Variants in DEUP1 observed in about 807,000 individuals in gnomAD.
DEUP1 encodes coiled-coil domain containing 67.
In DEUP1, 82 loss-of-function variants were observed where a neutral mutation model predicts 87.4. The ratio of observed to expected loss-of-function variants is 0.94; its 90% confidence interval spans 0.78 to 1.13. The LOEUF (loss-of-function observed/expected upper bound fraction) is 1.13. Ranked by LOEUF, DEUP1 falls within the 50% of genes most tolerant of loss-of-function variation. The pLI is 0.00. For missense variants in DEUP1, 663 were observed against 681.5 expected (o/e 0.97, Z 0.30); for synonymous variants, 214 against 222.7 (o/e 0.96, Z 0.35).
At chr11:93,396,530 G>C (rs1164978788) in intron 11 of DEUP1, among the ~76,000 whole-genome samples, 1 of 152,158 alleles carries the variant, frequency 6.6e-6, no homozygotes, top group East Asian at 1.9e-4. Context: ...TCTTTGGTTG[G>C]ATTGGGCTCA....
intron 4 of DEUP1, among the ~76,000 whole-genome samples, chr11:93,359,632 C>G (rs1945067138): frequency 6.6e-6 from 1 of 152,022 alleles, no homozygotes; most frequent in Non-Finnish European, 1.5e-5. Context: ...TGGGTGCAAA[C>G]AAACAAAAAG....
intron 11 of DEUP1, among the ~76,000 whole-genome samples, chr11:93,407,209 A>G (rs1251700123): frequency 1.3e-4 from 11 of 83,790 alleles, no homozygotes; most frequent in South Asian, 5.3e-4. Flanking sequence ...AATTATTTTG[A>G]AAAAAAAACT....
At chr11:93,404,808 A>G (rs1423431551) in intron 11 of DEUP1, among the ~76,000 whole-genome samples, 2 of 152,054 alleles carry the variant, frequency 1.3e-5, no homozygotes, top group African/African-American at 2.4e-5. Context: ...TTAGAAACAC[A>G]AGAGGTGGGG....
chr11:93,410,779 T>C (rs143955246), intron 12 of DEUP1, among the ~76,000 whole-genome samples: 2 of 152,212 alleles, frequency 1.3e-5, no homozygotes, highest in African/African-American at 4.8e-5. Context: ...CTTTTTTCTC[T>C]TTGTCAGGCA....
At chr11:93,430,634 G>A (rs751008084) in intron 13 of DEUP1, among the ~76,000 whole-genome samples, 7 of 152,086 alleles carry the variant, frequency 4.6e-5, no homozygotes, top group Non-Finnish European at 1.0e-4. Context: ...TTTTCATTAC[G>A]GATAATGAAA....
chr11:93,388,708 T>C (rs760301018), intron 8 of DEUP1, among the ~76,000 whole-genome samples: 2 of 152,204 alleles, frequency 1.3e-5, no homozygotes, highest in Non-Finnish European at 2.9e-5. Context: ...TATTTTATTA[T>C]AGCATACAGT....
chr11:93,418,445 T>A (rs576138560), intron 13 of DEUP1, among the ~76,000 whole-genome samples: 30 of 152,306 alleles, frequency 2.0e-4, no homozygotes, highest in Admixed American at 7.8e-4. Context: ...TCACTATCAC[T>A]GGCCATCAGA....
intron 2 of DEUP1, among the ~76,000 whole-genome samples, chr11:93,343,091 C>T (rs143523599): frequency 2.3e-3 from 343 of 152,258 alleles, no homozygotes; most frequent in Non-Finnish European, 4.3e-3. Flanking sequence ...GATGCTTAAG[C>T]TGCAGATACA....
intron 2 of DEUP1, among the ~76,000 whole-genome samples, chr11:93,334,411 A>G (rs1338893865): frequency 6.6e-6 from 1 of 152,218 alleles, no homozygotes; most frequent in Non-Finnish European, 1.5e-5. Flanking sequence ...TGAACAAAAT[A>G]GACAACTTCT....
intron 2 of DEUP1, among the ~76,000 whole-genome samples, chr11:93,355,014 C>T (rs1187217813): frequency 6.6e-6 from 1 of 152,112 alleles, no homozygotes; most frequent in Admixed American, 6.5e-5. Flanking sequence ...GAATGATATC[C>T]CAGTTTGCCT....
rs1591234957 is a variant in DEUP1, at chr11:93,405,136, A to G, written c.1327-3095A>G. ...AATTTTAACTAAGCAGCCGACCATC[A>G]AGAATTCTGTACTTTGACTGGTAGA... On this transcript the variant is annotated intron_variant, in intron 11 of 13. Coordinates refer to ENST00000298050, the MANE Select transcript of DEUP1 (RefSeq NM_181645.4). 2.0e-5 allele frequency among the ~76,000 whole-genome samples: 3 copies of G among 152,078 alleles called. No individual in the cohort carries two copies. The Middle Eastern group carries it at 0.01, about 517-fold the overall frequency.
At chr11:93,369,178 A>G (rs928807217) in intron 5 of DEUP1, among the ~76,000 whole-genome samples, 1 of 152,156 alleles carries the variant, frequency 6.6e-6, no homozygotes, top group Non-Finnish European at 1.5e-5. Context: ...AATCTCTCAT[A>G]GCTCTTCTTA....
chr11:93,381,889 A>AT (rs1053537360), intron 7 of DEUP1, among the ~76,000 whole-genome samples: 1 of 152,178 alleles, frequency 6.6e-6, no homozygotes, highest in African/African-American at 2.4e-5. Context: ...TAATCAACAT[A>AT]TAAAAAGTTA....
chr11:93,396,489 G>A (rs529237653), intron 11 of DEUP1, 164 bp downstream of exon 11: 7 of 514,418 alleles, frequency 1.4e-5, no homozygotes, highest in Middle Eastern at 7.2e-4. Context: ...CCTCAGGCTA[G>A]AACATTGGAA....
At chr11:93,414,288 C>T (rs932399005) in intron 12 of DEUP1, among the ~76,000 whole-genome samples, 4 of 152,072 alleles carry the variant, frequency 2.6e-5, no homozygotes, top group Non-Finnish European at 4.4e-5. Flanking sequence ...CCAACGCAGG[C>T]GAATCACAAG....
At chr11:93,401,298 T>TA (rs889597749) in intron 11 of DEUP1, among the ~76,000 whole-genome samples, 7 of 151,918 alleles carry the variant, frequency 4.6e-5, no homozygotes, top group South Asian at 4.2e-4. Context: ...TTGAAGAGGA[T>TA]AAAAAAATGG....
chr11:93,382,431 C>T (rs1946342910), intron 7 of DEUP1, among the ~76,000 whole-genome samples: 1 of 152,144 alleles, frequency 6.6e-6, no homozygotes, highest in Non-Finnish European at 1.5e-5. Flanking sequence ...AACATATATG[C>T]TTGTACCTGT....
chr11:93,349,585 CA>C (rs61327784), intron 2 of DEUP1, among the ~76,000 whole-genome samples: 80,937 of 147,504 alleles, frequency 0.55, 22,035 homozygotes, highest in Admixed American at 0.66. Flanking sequence ...ATGAAATTGA[CA>C]AAAAAAAAAA....
chr11:93,346,044 G>A (rs1342522482), intron 2 of DEUP1, among the ~76,000 whole-genome samples: 2 of 151,826 alleles, frequency 1.3e-5, no homozygotes, highest in African/African-American at 4.8e-5. Context: ...ATGGTGTAAG[G>A]AAGGGATCCA....
Sources: allele counts gnomAD v4.1 joint callset (sites outside exome capture counted in the v4.1 genomes callset), GRCh38; gene constraint gnomAD v4.1.1; transcripts MANE v1.5; gene names NCBI Gene and HGNC (gene_info 2026-07-23, HGNC 2026-07-21).